The following TNFRSF14 variants were observed in gnomAD, a reference collection of about 807,000 sequenced individuals.
TNFRSF14 encodes tumor necrosis factor receptor superfamily member 14.
Under a neutral mutation model 34.1 loss-of-function variants are expected in TNFRSF14, and 18 were observed. That is an observed-to-expected ratio of 0.53 (90% confidence interval 0.36 to 0.78). TNFRSF14 has a LOEUF of 0.78. Ranked by LOEUF, TNFRSF14 falls within the 30% of genes least tolerant of loss-of-function variation. The pLI, the probability that TNFRSF14 is intolerant of heterozygous loss-of-function variation, is 0.00. For missense variants in TNFRSF14, 352 were observed against 379.5 expected, an observed-to-expected ratio of 0.93 and a Z score of 0.60; for synonymous variants, 157 against 153.2, an observed-to-expected ratio of 1.02 and a Z score of -0.18.
At chr1:2,562,455 G>C in intron 6 of TNFRSF14, 1 of 291,580 alleles carries the variant, frequency 3.4e-6, no homozygotes, top group South Asian at 4.3e-5. Context: ...TCCAATGCGG[G>C]GAGGTCTCGG....
chr1:2,554,736 T>G (rs1644189488), upstream of TNFRSF14: 1 of 152,278 alleles, frequency 6.6e-6, no homozygotes, highest in Non-Finnish European at 1.5e-5. This position sits in a 1 kb window ranked among gnomAD's most constrained non-coding sequence, Gnocchi z 4.2. Context: ...GTGTTAGTCT[T>G]GTCTCTTGCC....
intron 1 of TNFRSF14, 130 bp downstream of exon 1, chr1:2,556,863 C>CAG: frequency 1.1e-6 from 1 of 941,694 alleles, no homozygotes; most frequent in Non-Finnish European, 1.6e-6. Context: ...TCCCCTGCTG[C>CAG]CTGGGGCTCT....
intron 3 of TNFRSF14, chr1:2,558,750 G>A: frequency 8.3e-7 from 1 of 1,205,488 alleles, no homozygotes; most frequent in East Asian, 2.8e-5. Flanking sequence ...CTGGTGCCCG[G>A]GGTGGGTGCC....
At chr1:2,555,924 T>G, upstream of TNFRSF14, 1 of 166,736 alleles carries the variant, frequency 6.0e-6, no homozygotes, top group Non-Finnish European at 1.3e-5. The surrounding 1 kb of genome is among the most constrained non-coding windows in gnomAD (Gnocchi z 6.3). Context: ...TGGGGTGGGG[T>G]CAGGGCAGGG....
intron 2 of TNFRSF14, 147 bp downstream of exon 2, chr1:2,557,981 G>T: frequency 1.4e-6 from 1 of 708,030 alleles, no homozygotes; most frequent in Non-Finnish European, 2.3e-6. Context: ...AGTGAGGGCA[G>T]AACCCCCAGG....
At chr1:2,558,988 T>A (rs768407686) in intron 3 of TNFRSF14, 1 of 1,366,672 alleles carries the variant, frequency 7.3e-7, no homozygotes, top group South Asian at 1.2e-5. Context: ...GGCCTTTGAG[T>A]CACTGAGCGC....
rs1316948750 is a variant in TNFRSF14, at chr1:2,561,618, G to C, written c.552-55G>C. 2 of 1,609,146 alleles carry C rather than the reference G, an allele frequency of 1.2e-6. No homozygotes were observed. The highest frequency in any genetic ancestry group is 2.2e-5 in the South Asian group (2 of 90,814). On this transcript the variant is annotated intron_variant, in intron 5 of 7. Transcript: ENST00000355716. This position sits in a 1 kb window ranked among gnomAD's most constrained non-coding sequence, Gnocchi z 6.0. ...AGCCAGGGAGGCTCCCTGAGGCTGA[G>C]TGAACACTGGGCGCTGCACCTGCCT... is the stretch of plus-strand genomic sequence containing the variant.
chr1:2,563,453 G>C lies in TNFRSF14; in HGVS notation c.*180G>C. 1 of 977,066 alleles carries C rather than the reference G, an allele frequency of 1.0e-6. No homozygotes were observed. The allele number at this position is 977,066 out of a possible 1,614,324, so 60.5% of individuals were successfully genotyped here. The stretch of plus-strand genomic sequence containing the variant: ...GCTGGGGTAGAGCTGGGGACGCCAC[G>C]TGCCATTCCCATGGGCCAGTGAGGG... On this transcript the variant is annotated 3_prime_UTR_variant, in exon 8 of 8. Transcript: ENST00000355716.
chr1:2,561,580 C>T lies in TNFRSF14; in HGVS notation c.552-93C>T, dbSNP rs773184374. On this transcript the variant is annotated intron_variant, in intron 5 of 7. Transcript: ENST00000355716. This position sits in a 1 kb window ranked among gnomAD's most constrained non-coding sequence, Gnocchi z 6.0. ...CCTCCCTGGGACCTGTCTTCACTGC[C>T]TGGGGCCCTGGGAGCCAGGGAGGCT... 3.9e-5 allele frequency: 62 copies of T among 1,596,940 alleles called. No individual in the cohort carries two copies. In the Middle Eastern group the frequency reaches 1.5e-3, roughly 38 times the overall value.
In TNFRSF14 at chr1:2,561,144, C is replaced by T. The variant is rs1347986186; in HGVS notation, c.551+430C>T. ...TGCTGACCCTGGGCCCCTAACTGAC[C>T]TGAGACTTCAGAGCTTCTTGGGAGG... On this transcript the variant is annotated intron_variant, in intron 5 of 7. Coordinates refer to ENST00000355716, the MANE Select transcript of TNFRSF14 (RefSeq NM_003820.4). The surrounding 1 kb of genome is among the most constrained non-coding windows in gnomAD (Gnocchi z 6.0). 5 of 341,522 alleles carry T rather than the reference C, an allele frequency of 1.5e-5. No individual in the cohort carries two copies. The highest frequency in any genetic ancestry group is 2.7e-5 in the Non-Finnish European group (5 of 187,206). 21.2% of individuals were successfully genotyped at this position (341,522 alleles called of 1,614,324 possible). A position where few individuals can be genotyped will look rare whatever the true frequency, so the allele number is the denominator to read the frequency against.
chr1:2,563,360 CG>C lies in TNFRSF14; in HGVS notation c.*89del, dbSNP rs1468182799. 3 of 1,573,278 alleles carry C rather than the reference CG, an allele frequency of 1.9e-6. No homozygotes were observed. The African/African-American group carries it at 4.1e-5, about 21-fold the overall frequency. On this transcript the variant is annotated 3_prime_UTR_variant, in exon 8 of 8. Transcript: ENST00000355716. ...TCCACCTGGCGGAACCACCGGAGCC[CG>C]GAGGCTTGGGGGCTCCGCCCTGGGC...
At position 2,559,919 on chromosome 1, in the gene TNFRSF14, A is replaced by G. The variant is rs757307466; in HGVS notation, c.401A>G (p.His134Arg). ...TTCTGCATCGTCCAGGACGGGGACC[A>G]CTGCGCCGCGTGCCGCGCTTACGCC... ...GHFCIVQDGD[H>R]CAACRAYATS... Residue 134 changes from histidine (H) to arginine (R), a missense_variant, in exon 4 of 8, where the codon CAC becomes CGC. Transcript: ENST00000355716. 4 of 1,601,422 alleles carry G rather than the reference A, an allele frequency of 2.5e-6. No homozygotes were observed. In the East Asian group the frequency reaches 9.0e-5, roughly 36 times the overall value.
rs569179168 is a variant in TNFRSF14 at position 2,560,609 on chromosome 1, T to C, written c.461-15T>C. On this transcript the variant is annotated splice_polypyrimidine_tract_variant and intron_variant, in intron 4 of 7. Coordinates refer to ENST00000355716, the MANE Select transcript of TNFRSF14 (RefSeq NM_003820.4). Reference sequence around the variant, plus strand: ...TGGTGCCCTCAGCCCCCTCTGTCCGTCCCTCTCTTCTCAGGCACCGAGAGT... The same window carrying C: ...TGGTGCCCTCAGCCCCCTCTGTCCGCCCCTCTCTTCTCAGGCACCGAGAGT... 2.3e-5 allele frequency: 37 copies of C among 1,609,956 alleles called. No homozygotes were observed. In the South Asian group the frequency reaches 2.3e-4, roughly 10 times the overall value.
chr1:2,562,120 C>T (rs961492361), intron 6 of TNFRSF14: 11 of 449,378 alleles, frequency 2.4e-5, no homozygotes, highest in Admixed American at 2.0e-4. Context: ...AGGACAGGCC[C>T]TGCTCAGCTG....
chr1:2,558,590 C>T (rs1644254932), intron 3 of TNFRSF14, 122 bp downstream of exon 3: 15 of 1,539,308 alleles, frequency 9.7e-6, no homozygotes, highest in East Asian at 2.3e-5. Context: ...GGCCAGGTCC[C>T]AACCCCATCT....
Position 2,563,446 on chromosome 1 carries a change from A to G in TNFRSF14, c.*173A>G, listed in dbSNP as rs1644341547. ...GGCCCCTGCTGGGGTAGAGCTGGGG[A>G]CGCCACGTGCCATTCCCATGGGCCA... On this transcript the variant is annotated 3_prime_UTR_variant, in exon 8 of 8. Transcript: ENST00000355716. 3 of 1,043,042 alleles carry G rather than the reference A, an allele frequency of 2.9e-6. No individual in the cohort carries two copies. The Admixed American group carries it at 8.5e-5, about 30-fold the overall frequency. The allele number at this position is 1,043,042 out of a possible 1,614,324, so 64.6% of individuals were successfully genotyped here.
intron 6 of TNFRSF14, chr1:2,562,177 G>T: frequency 2.8e-6 from 1 of 355,082 alleles, no homozygotes; most frequent in South Asian, 4.8e-5. Context: ...CTGGGGACAA[G>T]GCTTTGTCCT....
At chr1:2,559,003 C>G (rs1479201369) in intron 3 of TNFRSF14, 15 of 1,367,708 alleles carry the variant, frequency 1.1e-5, no homozygotes, top group Non-Finnish European at 1.4e-5. Flanking sequence ...GAGCGCAGAG[C>G]CTGTCCATGC....
At chr1:2,556,095 A>G, upstream of TNFRSF14, 1 of 342,908 alleles carries the variant, frequency 2.9e-6, no homozygotes, top group South Asian at 2.4e-5. Flanking sequence ...TGGGTCTATG[A>G]CTGAAATTGG....
Sources: allele counts gnomAD v4.1 joint callset, GRCh38; gene constraint gnomAD v4.1.1; non-coding constraint Gnocchi (gnomAD v3.1); transcripts MANE v1.5; gene names NCBI Gene and HGNC (gene_info 2026-07-23, HGNC 2026-07-21).